LHFPL3: variants seen among roughly 807,000 people sequenced by gnomAD.
LHFPL3 encodes the protein LHFPL tetraspan subfamily member 3.
LHFPL3 carries 5 observed loss-of-function variants against 19.3 expected under a neutral mutation model. That is an observed-to-expected ratio of 0.26 (90% CI 0.14 to 0.54). LHFPL3 has a LOEUF of 0.54. Among genes scored for constraint, LHFPL3 ranks in the 20% least tolerant of loss-of-function variants. The pLI is 0.94. For synonymous variants in LHFPL3, 133 were observed against 126.2 expected (o/e 1.05, Z -0.36); for missense variants, 249 against 307.4 (o/e 0.81, Z 1.42).
chr7:104,574,142 A>G (rs1025970555), intron 1 of LHFPL3, among the ~76,000 whole-genome samples: 6 of 152,214 alleles, frequency 3.9e-5, no homozygotes, highest in African/African-American at 7.2e-5. Context: ...CCTAGGTGTC[A>G]TATCAAGTGA....
chr7:104,689,000 G>A (rs777252260), intron 1 of LHFPL3, among the ~76,000 whole-genome samples: 1 of 152,160 alleles, frequency 6.6e-6, no homozygotes, highest in Non-Finnish European at 1.5e-5. Flanking sequence ...AGTTCTAGTA[G>A]TTTATTTGCT....
chr7:104,752,596 AAC>A (rs1486832110), intron 2 of LHFPL3: 1 of 273,904 alleles, frequency 3.7e-6, no homozygotes, highest in African/African-American at 2.3e-5. Context: ...TAGATACTTT[AAC>A]TCCCCCTCTT....
At chr7:104,373,616 C>A (rs1020906623) in intron 1 of LHFPL3, among the ~76,000 whole-genome samples, 2 of 149,632 alleles carry the variant, frequency 1.3e-5, no homozygotes, top group African/African-American at 4.9e-5. Context: ...TTTAGGAAGC[C>A]GTGAGACAAC....
At chr7:104,466,621 G>A (rs1792790267) in intron 1 of LHFPL3, among the ~76,000 whole-genome samples, 1 of 152,178 alleles carries the variant, frequency 6.6e-6, no homozygotes, top group Non-Finnish European at 1.5e-5. Flanking sequence ...CTCTGCCAAT[G>A]TTTCTATCAG....
intron 2 of LHFPL3, among the ~76,000 whole-genome samples, chr7:104,890,336 A>G (rs1374468797): frequency 6.6e-6 from 1 of 152,194 alleles, no homozygotes; most frequent in Non-Finnish European, 1.5e-5. Context: ...CTCCTGCTCT[A>G]TACCTGCAGA....
At chr7:104,577,690 GC>G (rs1454186356) in intron 1 of LHFPL3, among the ~76,000 whole-genome samples, 2 of 152,122 alleles carry the variant, frequency 1.3e-5, no homozygotes, top group African/African-American at 2.4e-5. Flanking sequence ...CATAAACTAT[GC>G]CTTCTATAAA....
intron 1 of LHFPL3, among the ~76,000 whole-genome samples, chr7:104,442,642 C>A (rs190240634): frequency 1.4e-4 from 21 of 152,288 alleles, no homozygotes; most frequent in Admixed American, 3.9e-4. Flanking sequence ...ATTTCTTCAG[C>A]CAGATGGTTC....
chr7:104,393,204 T>C (rs572534305), intron 1 of LHFPL3, among the ~76,000 whole-genome samples: 1 of 152,280 alleles, frequency 6.6e-6, no homozygotes, highest in South Asian at 2.1e-4. Flanking sequence ...GGAAACCTCA[T>C]ACCTTGCTGG....
intron 1 of LHFPL3, among the ~76,000 whole-genome samples, chr7:104,620,239 G>T (rs1458574921): frequency 6.6e-6 from 1 of 152,070 alleles, no homozygotes; most frequent in East Asian, 1.9e-4. Flanking sequence ...TGTGCTAGGT[G>T]GAATTTGATC....
chr7:104,575,524 A>G (rs1341775313), intron 1 of LHFPL3, among the ~76,000 whole-genome samples: 1 of 147,962 alleles, frequency 6.8e-6, no homozygotes, highest in Non-Finnish European at 1.5e-5. Context: ...TATATGAGAA[A>G]TGAGTGAGAA....
At chr7:104,856,195 C>T (rs1270263470) in intron 2 of LHFPL3, among the ~76,000 whole-genome samples, 4 of 151,124 alleles carry the variant, frequency 2.6e-5, no homozygotes. Flanking sequence ...GTTTAGAATG[C>T]CAATGCCTGC....
chr7:104,829,429 A>G (rs909107920), intron 2 of LHFPL3, among the ~76,000 whole-genome samples: 5 of 151,704 alleles, frequency 3.3e-5, no homozygotes, highest in African/African-American at 1.2e-4. Flanking sequence ...TGCTGCACCC[A>G]TTAACTTGTC....
chr7:104,414,303 C>G (rs890947598), intron 1 of LHFPL3, among the ~76,000 whole-genome samples: 4 of 152,074 alleles, frequency 2.6e-5, no homozygotes, highest in African/African-American at 9.7e-5. Flanking sequence ...TACAGAGTTT[C>G]AGGAATGAGA....
At chr7:104,496,949 T>A (rs1793494019) in intron 1 of LHFPL3, among the ~76,000 whole-genome samples, 1 of 152,198 alleles carries the variant, frequency 6.6e-6, no homozygotes, top group Non-Finnish European at 1.5e-5. Flanking sequence ...ATGTCATTTC[T>A]GCCTCTTTAT....
chr7:104,530,617 G>T (rs1253690798), intron 1 of LHFPL3, among the ~76,000 whole-genome samples: 1 of 152,184 alleles, frequency 6.6e-6, no homozygotes. Flanking sequence ...CTTAACCATA[G>T]TTCGTTAAAT....
intron 1 of LHFPL3, among the ~76,000 whole-genome samples, chr7:104,498,413 G>A (rs1478216787): frequency 6.6e-6 from 1 of 151,874 alleles, no homozygotes; most frequent in African/African-American, 2.4e-5. Context: ...AGAACATTGG[G>A]CCAAGAACAT....
chr7:104,892,831 A>G (rs2116708564), intron 2 of LHFPL3, among the ~76,000 whole-genome samples: 1 of 151,876 alleles, frequency 6.6e-6, no homozygotes, highest in East Asian at 1.9e-4. Context: ...CAAAAATGAG[A>G]TTCCATTAAT....
intron 1 of LHFPL3, among the ~76,000 whole-genome samples, chr7:104,644,865 G>C (rs1342076238): frequency 6.6e-6 from 1 of 152,122 alleles, no homozygotes; most frequent in Admixed American, 6.5e-5. Context: ...CTTCATGCCA[G>C]ATCAATCTTG....
chr7:104,877,215 A>T (rs906077599), intron 2 of LHFPL3, among the ~76,000 whole-genome samples: 1 of 152,222 alleles, frequency 6.6e-6, no homozygotes, highest in South Asian at 2.1e-4. Flanking sequence ...AACATGGCAC[A>T]TGTATACATA....
Sources: gnomAD v4.1 joint callset for allele counts (sites outside exome capture counted in the v4.1 genomes callset) on GRCh38, gnomAD v4.1.1 for gene constraint, MANE v1.5 for transcripts, NCBI Gene and HGNC (gene_info 2026-07-23, HGNC 2026-07-21) for gene names.